AIG1: variants seen among roughly 807,000 people sequenced by gnomAD.
The protein encoded by AIG1 is androgen-induced gene 1 protein.
A neutral mutation model predicts 31.4 loss-of-function variants in AIG1; 23 were observed. The observed-to-expected ratio is 0.73, with a 90% confidence interval of 0.53 to 1.04. AIG1 has a LOEUF of 1.04. AIG1 is among the 50% of genes least tolerant of loss of function. AIG1 has a pLI of 0.00. For synonymous variants in AIG1, 100 were observed against 110.5 expected (o/e 0.90, Z 0.60); for missense variants, 274 against 295.0 (o/e 0.93, Z 0.52).
At chr6:143,205,952 T>A (rs756126397) in intron 3 of AIG1, among the ~76,000 whole-genome samples, 23 of 152,224 alleles carry the variant, frequency 1.5e-4, no homozygotes, top group Non-Finnish European at 2.9e-4. Context: ...AATTGTTATA[T>A]TATTTCATTT....
At position 143,331,560 on chromosome 6, in the gene AIG1, T is replaced by G. The variant is rs1325743736; in HGVS notation, c.516-1722T>G. Among the ~76,000 whole-genome samples the G allele has an allele frequency of 6.6e-6, 1 of 152,196 alleles. No individual in the cohort carries two copies. Among genetic ancestry groups the G allele is most frequent in the Non-Finnish European group, 1.5e-5 (1 of 68,034 alleles). ...TTTACTCCTCTTTATGGCTGAGTAA[T>G]ATTCCATTGCATGCATATGCCACAT... On this transcript the variant is annotated intron_variant, in intron 4 of 5. Transcript: ENST00000357847. This position sits in a 1 kb window ranked among gnomAD's most constrained non-coding sequence, Gnocchi z 4.1.
chr6:143,149,118 CTT>C lies in AIG1; in HGVS notation c.297+12132_297+12133del, dbSNP rs543611215. On this transcript the variant is annotated intron_variant, in intron 2 of 5. Coordinates refer to ENST00000357847, the MANE Select transcript of AIG1 (RefSeq NM_016108.4). The stretch of plus-strand genomic sequence containing the variant: ...GAATGATGCGTTACTGTACTCCAAA[CTT>C]TTTGACAAACCTAACCTAATTTTGC... Among the ~76,000 whole-genome samples the C allele has an allele frequency of 5.3e-5, 8 of 152,308 alleles. No homozygotes were observed. In the South Asian group the frequency reaches 1.7e-3, roughly 32 times the overall value.
At chr6:143,278,794 C>G (rs1033523905) in intron 3 of AIG1, among the ~76,000 whole-genome samples, 1 of 152,134 alleles carries the variant, frequency 6.6e-6, no homozygotes, top group African/African-American at 2.4e-5. Flanking sequence ...TTTAGTGCCC[C>G]TCTATACTTA....
chr6:143,279,682 G>A lies in AIG1; in HGVS notation c.400-4428G>A, dbSNP rs34030336. On this transcript the variant is annotated intron_variant, in intron 3 of 5. Transcript: ENST00000357847. This position sits in a 1 kb window ranked among gnomAD's most constrained non-coding sequence, Gnocchi z 5.4. ...CATGGCAGTGGAGTCAGTTCACTCC[G>A]CTCCATCACGGGGGACCCACCAAGA... Among the ~76,000 whole-genome samples, 13,655 of 152,142 alleles carry A rather than the reference G, an allele frequency of 0.09. 987 individuals are homozygous for A. Among genetic ancestry groups the A allele is most frequent in the Admixed American group, 0.25 (3,765 of 15,284 alleles).
chr6:143,226,411 T>C (rs999625646), intron 3 of AIG1, among the ~76,000 whole-genome samples: 6 of 151,832 alleles, frequency 4.0e-5, no homozygotes, highest in African/African-American at 1.5e-4. Context: ...AGCTAATTTT[T>C]GTATTTTTTT....
intron 3 of AIG1, among the ~76,000 whole-genome samples, chr6:143,245,921 TC>T (rs1206725493): frequency 6.6e-6 from 1 of 152,202 alleles, no homozygotes; most frequent in Non-Finnish European, 1.5e-5. Flanking sequence ...GGCACGGTTG[TC>T]CCATCTTTTG....
intron 4 of AIG1, among the ~76,000 whole-genome samples, chr6:143,296,546 T>G (rs779779575): frequency 1.3e-5 from 2 of 152,104 alleles, no homozygotes; most frequent in Non-Finnish European, 2.9e-5. Flanking sequence ...TTCCCACAGC[T>G]GACAGTAACT....
intron 1 of AIG1, among the ~76,000 whole-genome samples, chr6:143,115,429 A>G (rs181341806): frequency 1.3e-4 from 20 of 151,564 alleles, no homozygotes; most frequent in Admixed American, 1.2e-3. Context: ...TATTACTTAT[A>G]CCATGGTATT....
At position 143,061,012 on chromosome 6, in the gene AIG1, G is replaced by A; in HGVS notation, c.87G>A (p.Met29Ile). ...TGTGTAACTACAAGGCCATCGAAATGCCCTCACACCAGACCTACGGAGGGA... is the reference window on the plus strand; with the variant it reads ...TGTGTAACTACAAGGCCATCGAAATACCCTCACACCAGACCTACGGAGGGA... ...SILCNYKAIE[M>I]PSHQTYGGSW... The change falls in exon 1 of 6, where the codon ATG becomes ATA. Residue 29 changes from methionine (M) to isoleucine (I), a missense_variant. Transcript: ENST00000357847. The A allele has an allele frequency of 6.2e-7, 1 of 1,613,564 alleles. No homozygotes were observed. Among genetic ancestry groups the A allele is most frequent in the Non-Finnish European group, 8.5e-7 (1 of 1,179,844 alleles).
intron 4 of AIG1, among the ~76,000 whole-genome samples, chr6:143,317,673 G>A (rs1295993934): frequency 1.3e-5 from 2 of 151,712 alleles, no homozygotes; most frequent in African/African-American, 4.8e-5. Flanking sequence ...GAAATAAAGG[G>A]CATCCAAATT....
At chr6:143,157,159 AC>A (rs1462953300) in intron 2 of AIG1, among the ~76,000 whole-genome samples, 1 of 152,210 alleles carries the variant, frequency 6.6e-6, no homozygotes, top group East Asian at 1.9e-4. Context: ...AAATTAAAAA[AC>A]CTTTTTGATT....
chr6:143,339,606 T>C (rs1777763585), intron 5 of AIG1, 33 bp from the exon 6 acceptor site: 11 of 1,608,610 alleles, frequency 6.8e-6, no homozygotes, highest in Non-Finnish European at 9.3e-6. Flanking sequence ...TTTAATCTGA[T>C]GCTCAAATAA....
chr6:143,317,026 AC>A (rs1039441710), intron 4 of AIG1, among the ~76,000 whole-genome samples: 5 of 151,940 alleles, frequency 3.3e-5, no homozygotes, highest in African/African-American at 1.2e-4. Context: ...TAAATTGCCA[AC>A]AAAAAAAAAA....
intron 3 of AIG1, among the ~76,000 whole-genome samples, chr6:143,264,543 G>C (rs993404272): frequency 1.3e-5 from 2 of 152,180 alleles, no homozygotes; most frequent in Non-Finnish European, 2.9e-5. Context: ...GTGTGGCCAA[G>C]CCAGCACAAG....
Position 143,328,505 on chromosome 6 carries a change from C to T in AIG1, c.516-4777C>T, listed in dbSNP as rs1164309121. ...GTACCCATGGCACGCCTACACTTAC[C>T]CTTTCTTAATTCTGACTACACTTGT... On this transcript the variant is annotated intron_variant, in intron 4 of 5. Transcript: ENST00000357847. The surrounding 1 kb of genome is among the most constrained non-coding windows in gnomAD (Gnocchi z 4.0). Among the ~76,000 whole-genome samples the T allele has an allele frequency of 6.6e-6, 1 of 152,096 alleles. No homozygotes were observed. The highest frequency in any genetic ancestry group is 1.9e-4 in the East Asian group (1 of 5,192).
intron 3 of AIG1, among the ~76,000 whole-genome samples, chr6:143,255,471 G>C (rs1795314469): frequency 6.6e-6 from 1 of 152,126 alleles, no homozygotes; most frequent in South Asian, 2.1e-4. Context: ...TGGTGTCTCT[G>C]TCTTGTCCTA....
intron 1 of AIG1, among the ~76,000 whole-genome samples, chr6:143,068,159 C>T (rs931521682): frequency 6.6e-5 from 10 of 152,208 alleles, no homozygotes. Context: ...CCATTCCTGC[C>T]ATTCCCCCAT....
At chr6:143,203,026 A>G (rs1431508531) in intron 3 of AIG1, among the ~76,000 whole-genome samples, 2 of 152,220 alleles carry the variant, frequency 1.3e-5, no homozygotes, top group Non-Finnish European at 2.9e-5. Flanking sequence ...AGAAGTCTCC[A>G]TCAAAGATGA....
At chr6:143,066,209 G>GT (rs1235407677) in intron 1 of AIG1, among the ~76,000 whole-genome samples, 3 of 152,134 alleles carry the variant, frequency 2.0e-5, no homozygotes, top group East Asian at 1.9e-4. Flanking sequence ...AAGTTGCATT[G>GT]TTTTTTCATT....
Sources: gnomAD v4.1 joint callset for allele counts (sites outside exome capture counted in the v4.1 genomes callset) on GRCh38, gnomAD v4.1.1 for gene constraint, Gnocchi (gnomAD v3.1) non-coding constraint, MANE v1.5 for transcripts, NCBI Gene and HGNC (gene_info 2026-07-23, HGNC 2026-07-21) for gene names.